AGTPBP1: variants seen among roughly 807,000 people sequenced by gnomAD.
The protein encoded by AGTPBP1 is cytosolic carboxypeptidase 1.
Under a neutral mutation model 143.9 loss-of-function variants are expected in AGTPBP1, and 70 were observed. The ratio of observed to expected loss-of-function variants is 0.49; its 90% CI spans 0.40 to 0.59. AGTPBP1 has a LOEUF of 0.59. Ranked by LOEUF, AGTPBP1 falls within the 20% of genes least tolerant of loss-of-function variation. The probability of loss-of-function intolerance (pLI) is 0.00; values close to 1 mark genes in which losing one functional copy is unlikely to be tolerated. For synonymous variants in AGTPBP1, 463 were observed against 500.2 expected (o/e 0.93, Z 0.99); for missense variants, 1,229 against 1,464.5 (o/e 0.84, Z 2.62).
the AGTPBP1 span, among the ~76,000 whole-genome samples, chr9:85,779,208 TATAGATATAGATATAG>T: frequency 1.4e-5 from 2 of 138,140 alleles, no homozygotes; most frequent in African/African-American, 6.1e-5. Context: ...TAGATATAGA[TATAGATATAGATATAG>T]ATATAGATAT....
At chr9:85,598,578 GTAAGTGCCA>G (rs1829445904) in intron 17 of AGTPBP1, among the ~76,000 whole-genome samples, 2 of 152,184 alleles carry the variant, frequency 1.3e-5, no homozygotes, top group Admixed American at 1.3e-4. Flanking sequence ...CCCTGCTTAT[GTAAGTGCCA>G]TGTGGCCAGG....
chr9:85,721,605 G>A (rs1838125929), intron 1 of AGTPBP1, among the ~76,000 whole-genome samples: 2 of 151,560 alleles, frequency 1.3e-5, no homozygotes, highest in African/African-American at 4.8e-5. Context: ...GCACACAAAT[G>A]GGTCTTGACT....
In AGTPBP1 at chr9:85,692,337, G is replaced by C. The variant is rs913869214; in HGVS notation, c.157+352C>G. Among the ~76,000 whole-genome samples, 4 of 150,006 alleles carry C rather than the reference G, an allele frequency of 2.7e-5. No individual in the cohort carries two copies. In the South Asian group the frequency reaches 8.4e-4, roughly 31 times the overall value. On this transcript the variant is annotated intron_variant, in intron 3 of 25. Transcript: ENST00000357081. ...CGCCCAGGCTGGAGTGCAGTGGCAC[G>C]ATCTCAGCTCACTGCAACCTCCACC...
intron 25 of AGTPBP1, among the ~76,000 whole-genome samples, chr9:85,550,201 G>GAA (rs1251136062): frequency 6.6e-6 from 1 of 151,708 alleles, no homozygotes; most frequent in African/African-American, 2.4e-5. Flanking sequence ...GTGTGAGAGA[G>GAA]AGAGAGAGAG....
chr9:85,712,628 C>T (rs1837452278), intron 1 of AGTPBP1, 62 bp from the exon 2 acceptor site: 1 of 759,878 alleles, frequency 1.3e-6, no homozygotes, highest in Non-Finnish European at 2.0e-6. Context: ...TATTAGATAT[C>T]ACAGAAGCCA....
the AGTPBP1 span, among the ~76,000 whole-genome samples, chr9:85,796,977 G>C: frequency 6.6e-6 from 1 of 151,388 alleles, no homozygotes; most frequent in African/African-American, 2.4e-5. Context: ...AGTAGAGACA[G>C]GGTTTCACCG....
At chr9:85,668,967 ATGTGTGTGTGTGTG>A (rs539493558) in intron 8 of AGTPBP1, among the ~76,000 whole-genome samples, 58 of 114,436 alleles carry the variant, frequency 5.1e-4, no homozygotes, top group African/African-American at 9.5e-4. Context: ...ACATACATAC[ATGTGTGTGTGTGTG>A]TGTGTGTGTG....
intron 1 of AGTPBP1, chr9:85,741,250 G>A: frequency 4.1e-6 from 4 of 985,414 alleles, no homozygotes; most frequent in Non-Finnish European, 4.8e-6. Context: ...CGTGCCCATC[G>A]CCGATGTCAC....
chr9:85,781,582 G>T, the AGTPBP1 span, among the ~76,000 whole-genome samples: 5 of 152,318 alleles, frequency 3.3e-5, no homozygotes, highest in Admixed American at 2.6e-4. Flanking sequence ...ATTATTGATT[G>T]TCTGCCATGT....
chr9:85,571,988 T>C (rs1827498297), intron 25 of AGTPBP1, among the ~76,000 whole-genome samples: 2 of 148,602 alleles, frequency 1.3e-5, no homozygotes, highest in Non-Finnish European at 3.0e-5. Flanking sequence ...TTGGCCATTA[T>C]TAGTTGTTTG....
At chr9:85,741,731 A>T (rs1824307282) in intron 1 of AGTPBP1, 44 bp downstream of exon 1, 1 of 1,280,270 alleles carries the variant, frequency 7.8e-7, no homozygotes, top group Non-Finnish European at 9.9e-7. Context: ...GGGAGAGCAG[A>T]GGGACGGCCG....
chr9:85,559,450 T>A (rs1202657766), intron 25 of AGTPBP1, among the ~76,000 whole-genome samples: 2 of 146,796 alleles, frequency 1.4e-5, no homozygotes, highest in Admixed American at 6.7e-5. Context: ...AAAAAAAAAA[T>A]CTTTTTTTTT....
chr9:85,638,445 A>C (rs1832230339), intron 13 of AGTPBP1, among the ~76,000 whole-genome samples: 1 of 152,052 alleles, frequency 6.6e-6, no homozygotes, highest in Non-Finnish European at 1.5e-5. Context: ...AGGCAAGAAA[A>C]AGAGATAAAC....
At position 85,678,391 on chromosome 9, in the gene AGTPBP1, T is replaced by G. The variant is rs1210438606; in HGVS notation, c.233A>C (p.Lys78Thr). 1.3e-6 allele frequency: 2 copies of G among 1,578,836 alleles called. No individual in the cohort carries two copies. The highest frequency in any genetic ancestry group is 1.7e-6 in the Non-Finnish European group (2 of 1,157,332). ...GATATTAAGTGTAGTTTGAAGATCT[T>G]TTGTGTTCTGAAATAAATAGTTTGT... ...EILLSTLENT[K>T]DLQTTLNILS... The change falls in exon 5 of 26, where the codon AAA becomes ACA. Residue 78 changes from lysine to threonine, a missense_variant. By Grantham distance (78) the Lys-to-Thr change is moderately conservative. This residue lies in a region of AGTPBP1 where 743 missense variants were observed against 812.2 expected (regional missense o/e 0.91). Transcript: ENST00000357081.
chr9:85,754,352 G>A, the AGTPBP1 span, among the ~76,000 whole-genome samples: 136 of 152,186 alleles, frequency 8.9e-4, no homozygotes, highest in African/African-American at 2.9e-3. Flanking sequence ...CACCATGCCC[G>A]ACTAATTTTT....
At chr9:85,673,485 G>A (rs1235037728) in intron 6 of AGTPBP1, among the ~76,000 whole-genome samples, 1 of 151,858 alleles carries the variant, frequency 6.6e-6, no homozygotes, top group Non-Finnish European at 1.5e-5. Context: ...AAAATAATCT[G>A]GCAAATATTA....
intron 13 of AGTPBP1, among the ~76,000 whole-genome samples, chr9:85,638,020 A>G (rs1331346903): frequency 6.6e-6 from 1 of 152,150 alleles, no homozygotes; most frequent in African/African-American, 2.4e-5. Context: ...CACTAAACAT[A>G]AAAAAGCAAA....
chr9:85,691,277 G>A (rs1253839277), intron 3 of AGTPBP1, among the ~76,000 whole-genome samples: 2 of 152,032 alleles, frequency 1.3e-5, no homozygotes, highest in African/African-American at 2.4e-5. Context: ...CCAAATGCAT[G>A]GGCTACATGG....
intron 25 of AGTPBP1, among the ~76,000 whole-genome samples, chr9:85,561,056 T>A (rs1046595038): frequency 2.0e-5 from 3 of 152,082 alleles, no homozygotes; most frequent in Admixed American, 2.0e-4. Flanking sequence ...GAGAAATTCA[T>A]AAAAGCAACT....
Sources: allele counts gnomAD v4.1 joint callset (sites outside exome capture counted in the v4.1 genomes callset), GRCh38; gene constraint gnomAD v4.1.1; regional missense constraint gnomAD v4.1.1; transcripts MANE v1.5; gene names NCBI Gene and HGNC (gene_info 2026-07-23, HGNC 2026-07-21).